CPNE4: variants seen among roughly 807,000 people sequenced by gnomAD.
CPNE4 encodes the protein copine-4.
CPNE4 carries 25 observed loss-of-function variants against 67.9 expected under a neutral mutation model. The ratio of observed to expected loss-of-function variants is 0.37; its 90% confidence interval spans 0.27 to 0.51. The LOEUF is 0.51. Ranked by LOEUF, CPNE4 falls within the 20% of genes least tolerant of loss-of-function variation. The pLI, the probability that CPNE4 is intolerant of heterozygous loss-of-function variation, is 0.93. For synonymous variants in CPNE4, 242 were observed against 244.9 expected (o/e 0.99, Z 0.11); for missense variants, 464 against 690.8 (o/e 0.67, Z 3.68).
At chr3:131,675,506 C>T (rs1007840991) in intron 6 of CPNE4, among the ~76,000 whole-genome samples, 1 of 152,096 alleles carries the variant, frequency 6.6e-6, no homozygotes, top group Non-Finnish European at 1.5e-5. Context: ...ATTGGGTGCA[C>T]ATGTATTTAC....
chr3:131,949,919 T>C (rs1183106105), intron 1 of CPNE4, among the ~76,000 whole-genome samples: 1 of 152,160 alleles, frequency 6.6e-6, no homozygotes, highest in Non-Finnish European at 1.5e-5. Context: ...ATTCATCCAT[T>C]CCCTTCATGA....
At chr3:131,598,463 A>G (rs1300432353) in intron 7 of CPNE4, among the ~76,000 whole-genome samples, 5 of 152,224 alleles carry the variant, frequency 3.3e-5, no homozygotes, top group Admixed American at 6.5e-5. Flanking sequence ...AGGTATCATT[A>G]TATCCCTTTG....
At chr3:131,628,514 A>G (rs112957389) in intron 7 of CPNE4, among the ~76,000 whole-genome samples, 3,469 of 152,314 alleles carry the variant, frequency 0.023, 22 homozygotes, top group African/African-American at 0.078. Flanking sequence ...TTGGCTCTGA[A>G]TCTGTCTGGT....
chr3:131,937,885 G>A (rs1021881289), intron 1 of CPNE4, among the ~76,000 whole-genome samples: 1 of 152,048 alleles, frequency 6.6e-6, no homozygotes, highest in Non-Finnish European at 1.5e-5. Context: ...GGTAGAAAGA[G>A]AGAGGAAGCA....
upstream of CPNE4, chr3:132,035,468 G>A (rs144308262): frequency 6.6e-6 from 1 of 152,298 alleles, no homozygotes; most frequent in Non-Finnish European, 1.5e-5. Context: ...AGTAAGTAAT[G>A]CATGAGTAAA....
intron 1 of CPNE4, among the ~76,000 whole-genome samples, chr3:131,978,089 AT>A (rs1167029789): frequency 0.015 from 444 of 30,446 alleles, 6 homozygotes; most frequent in Admixed American, 0.035. Flanking sequence ...ATATATATAA[AT>A]ATATATATAA....
At chr3:131,851,200 A>C (rs1286500159) in intron 2 of CPNE4, among the ~76,000 whole-genome samples, 1 of 152,144 alleles carries the variant, frequency 6.6e-6, no homozygotes, top group Non-Finnish European at 1.5e-5. Context: ...ACTAGGAAAG[A>C]AAGTGAGTGA....
At chr3:131,593,877 AATTATT>A (rs1466068430) in intron 7 of CPNE4, among the ~76,000 whole-genome samples, 3 of 151,872 alleles carry the variant, frequency 2.0e-5, no homozygotes, top group Non-Finnish European at 2.9e-5. Flanking sequence ...ATGCCCAGCT[AATTATT>A]ATTATTATTT....
At chr3:131,789,005 G>GACAC (rs150450935) in intron 2 of CPNE4, among the ~76,000 whole-genome samples, 7,850 of 133,490 alleles carry the variant, frequency 0.059, 326 homozygotes, top group East Asian at 0.23. Flanking sequence ...AACTCAACCA[G>GACAC]ACACACACAC....
At chr3:131,781,117 T>C (rs894711088) in intron 2 of CPNE4, among the ~76,000 whole-genome samples, 5 of 152,052 alleles carry the variant, frequency 3.3e-5, no homozygotes, top group African/African-American at 1.2e-4. Flanking sequence ...CGCAAATCAA[T>C]TCATTTCTGC....
At chr3:131,952,445 A>G (rs1472346877) in intron 1 of CPNE4, among the ~76,000 whole-genome samples, 5 of 136,916 alleles carry the variant, frequency 3.7e-5, no homozygotes, top group Non-Finnish European at 4.9e-5. Context: ...GTCTCCGCCC[A>G]GCAGCCACCC....
chr3:131,813,569 A>G (rs116515919), intron 2 of CPNE4, among the ~76,000 whole-genome samples: 5,980 of 151,726 alleles, frequency 0.039, 403 homozygotes, highest in African/African-American at 0.13. Flanking sequence ...TTAAAATATG[A>G]ACCAAGATGA....
intron 2 of CPNE4, among the ~76,000 whole-genome samples, chr3:131,881,282 C>T (rs921821592): frequency 2.0e-5 from 3 of 152,162 alleles, no homozygotes; most frequent in Middle Eastern, 3.2e-3. Context: ...GCCTATTCTC[C>T]CCTTCTTCTA....
At chr3:131,812,625 C>A (rs931123806) in intron 2 of CPNE4, among the ~76,000 whole-genome samples, 1 of 152,160 alleles carries the variant, frequency 6.6e-6, no homozygotes, top group African/African-American at 2.4e-5. Context: ...CATGCACAAC[C>A]ATTTACTCAT....
chr3:131,943,683 C>T (rs2071466517), intron 1 of CPNE4, among the ~76,000 whole-genome samples: 1 of 152,096 alleles, frequency 6.6e-6, no homozygotes, highest in Admixed American at 6.6e-5. Context: ...TCTCCTGCAG[C>T]ATCCATCAGA....
At chr3:131,874,979 A>G (rs879788147) in intron 2 of CPNE4, among the ~76,000 whole-genome samples, 3 of 152,248 alleles carry the variant, frequency 2.0e-5, no homozygotes, top group Admixed American at 2.0e-4. Context: ...GGCCTTGACT[A>G]AGGAGATTTG....
intron 4 of CPNE4, among the ~76,000 whole-genome samples, chr3:131,698,560 G>C (rs1366965014): frequency 6.6e-6 from 1 of 150,460 alleles, no homozygotes; most frequent in Admixed American, 6.6e-5. Context: ...GTTCTTGTGA[G>C]AATGGCCACA....
intron 1 of CPNE4, among the ~76,000 whole-genome samples, chr3:131,912,771 G>C (rs892409447): frequency 6.6e-6 from 1 of 152,144 alleles, no homozygotes; most frequent in African/African-American, 2.4e-5. Flanking sequence ...CTCTGGAGCA[G>C]TGCATCTCAG....
Position 131,788,183 on chromosome 3 carries a change from C to A in CPNE4, c.181-64558G>T, listed in dbSNP as rs895565201. On this transcript the variant is annotated intron_variant, in intron 2 of 15. Coordinates refer to ENST00000429747, the MANE Select transcript of CPNE4 (RefSeq NM_130808.3). ...TTAAACCTCCATATACAAGAAAAAT[C>A]TGCTCAAATTTAAAGACAAATGAGC... 5.9e-5 allele frequency among the ~76,000 whole-genome samples: 9 copies of A among 151,734 alleles called. No homozygotes were observed. The East Asian group carries it at 1.7e-3, about 29-fold the overall frequency.
Sources: gnomAD v4.1 joint callset for allele counts (sites outside exome capture counted in the v4.1 genomes callset) on GRCh38, gnomAD v4.1.1 for gene constraint, MANE v1.5 for transcripts, NCBI Gene and HGNC (gene_info 2026-07-23, HGNC 2026-07-21) for gene names.